The following AGO3 variants were observed in gnomAD, a reference collection of about 807,000 sequenced individuals.
AGO3 encodes the protein protein argonaute-3.
Under a neutral mutation model 105.5 loss-of-function variants are expected in AGO3, and 16 were observed. That is an observed-to-expected ratio of 0.15 (90% confidence interval 0.10 to 0.23). The LOEUF (loss-of-function observed/expected upper bound fraction) is 0.23. AGO3 is among the 10% of genes least tolerant of loss of function. The pLI is 1.00. For synonymous variants in AGO3, 340 were observed against 367.3 expected, an observed-to-expected ratio of 0.93 and a Z score of 0.85; for missense variants, 534 against 1,088.0, an observed-to-expected ratio of 0.49 and a Z score of 7.16.
intron 2 of AGO3, among the ~76,000 whole-genome samples, chr1:35,956,467 TA>T (rs924865215): frequency 5.3e-5 from 8 of 152,092 alleles, no homozygotes; most frequent in Non-Finnish European, 1.2e-4. Context: ...AGGTGATAGT[TA>T]AAAACTGGGG....
At chr1:35,983,522 C>G (rs756736082) in intron 5 of AGO3, 2 of 151,706 alleles carry the variant, frequency 1.3e-5, no homozygotes, top group African/African-American at 2.4e-5. Context: ...CCCAGGATAT[C>G]AAGGCTGTGG....
chr1:36,053,426 C>T (rs1334060468), intron 17 of AGO3, among the ~76,000 whole-genome samples: 2 of 151,916 alleles, frequency 1.3e-5, no homozygotes, highest in Admixed American at 6.6e-5. Context: ...ACTACAGGCA[C>T]ATGCCACTAC....
intron 15 of AGO3, 51 bp from the exon 16 acceptor site, chr1:36,040,256 A>G (rs1295011323): frequency 6.4e-7 from 1 of 1,568,648 alleles, no homozygotes; most frequent in Non-Finnish European, 8.7e-7. Flanking sequence ...TTTGAAGTAT[A>G]TAAAAACAAA....
At chr1:35,960,216 T>C (rs1470596661) in intron 2 of AGO3, among the ~76,000 whole-genome samples, 1 of 152,174 alleles carries the variant, frequency 6.6e-6, no homozygotes, top group Non-Finnish European at 1.5e-5. Flanking sequence ...GAGTGTTTTT[T>C]CTCTAGCTCC....
At chr1:35,959,855 TTG>T (rs924997003) in intron 2 of AGO3, among the ~76,000 whole-genome samples, 1 of 152,054 alleles carries the variant, frequency 6.6e-6, no homozygotes, top group African/African-American at 2.4e-5. Context: ...TAAAATATAT[TTG>T]TGAGATAATT....
intron 9 of AGO3, among the ~76,000 whole-genome samples, chr1:36,010,553 G>T (rs544650253): frequency 6.7e-6 from 1 of 149,822 alleles, no homozygotes; most frequent in East Asian, 2.0e-4. Flanking sequence ...GCAGTGAGCC[G>T]ATCACACCAC....
intron 12 of AGO3, among the ~76,000 whole-genome samples, chr1:36,032,023 A>G (rs573338747): frequency 9.9e-5 from 15 of 152,278 alleles, no homozygotes; most frequent in African/African-American, 2.6e-4. Flanking sequence ...ATAGGTGTAC[A>G]AATATCTCTT....
chr1:35,986,887 T>C (rs1404860308), intron 5 of AGO3, among the ~76,000 whole-genome samples: 1 of 151,356 alleles, frequency 6.6e-6, no homozygotes, highest in Admixed American at 6.6e-5. Flanking sequence ...TCCCAGCTAC[T>C]TAGGAGGCTG....
intron 1 of AGO3, among the ~76,000 whole-genome samples, chr1:35,937,510 G>A (rs1005890574): frequency 6.6e-5 from 10 of 152,056 alleles, no homozygotes; most frequent in Non-Finnish European, 1.3e-4. Context: ...AACCAACATG[G>A]TGAAACCCCA....
At chr1:35,997,981 G>T (rs1358965864) in intron 5 of AGO3, among the ~76,000 whole-genome samples, 1 of 152,124 alleles carries the variant, frequency 6.6e-6, no homozygotes, top group Non-Finnish European at 1.5e-5. Context: ...AAATTTGTTT[G>T]TCAATTATAA....
intron 5 of AGO3, among the ~76,000 whole-genome samples, chr1:36,003,545 T>C (rs1640193159): frequency 6.6e-6 from 1 of 151,304 alleles, no homozygotes; most frequent in African/African-American, 2.4e-5. Context: ...AAGTGCTATA[T>C]TGGTCGGACG....
At chr1:36,049,059 T>C (rs551445903) in intron 17 of AGO3, among the ~76,000 whole-genome samples, 60 of 152,308 alleles carry the variant, frequency 3.9e-4, no homozygotes, top group African/African-American at 1.3e-3. Context: ...GCAACATAGA[T>C]GGAGCTGAAG....
intron 17 of AGO3, among the ~76,000 whole-genome samples, chr1:36,053,860 T>C (rs1353598833): frequency 6.7e-6 from 1 of 150,200 alleles, no homozygotes; most frequent in African/African-American, 2.4e-5. Flanking sequence ...GCGATTCTCC[T>C]GCCTCAGCCT....
intron 2 of AGO3, among the ~76,000 whole-genome samples, chr1:35,957,970 G>A (rs1424321130): frequency 6.6e-6 from 1 of 151,922 alleles, no homozygotes; most frequent in African/African-American, 2.4e-5. Flanking sequence ...GGAGGCTGAG[G>A]TGAGAGGATT....
At chr1:35,957,031 G>A (rs1476058963) in intron 2 of AGO3, among the ~76,000 whole-genome samples, 1 of 152,094 alleles carries the variant, frequency 6.6e-6, no homozygotes, top group Non-Finnish European at 1.5e-5. Context: ...GACTGAAAAT[G>A]CGCCATTACA....
At chr1:35,995,785 C>G (rs1480861461) in intron 5 of AGO3, among the ~76,000 whole-genome samples, 1 of 152,100 alleles carries the variant, frequency 6.6e-6, no homozygotes, top group Non-Finnish European at 1.5e-5. Context: ...CCAAGTGATT[C>G]CCCCACCTCA....
chr1:35,972,949 A>T (rs1031382338), intron 4 of AGO3, among the ~76,000 whole-genome samples: 5 of 138,108 alleles, frequency 3.6e-5, no homozygotes, highest in Non-Finnish European at 7.6e-5. Flanking sequence ...CTCTCACCTT[A>T]GCCTCCCAAA....
At chr1:35,930,754 C>A (rs986195765), upstream of AGO3, 1 of 156,030 alleles carries the variant, frequency 6.4e-6, no homozygotes, top group Non-Finnish European at 1.4e-5. Flanking sequence ...GGGCTCGGCT[C>A]GGGGCCTCCG....
At chr1:35,936,349 G>A (rs1646145914) in intron 1 of AGO3, among the ~76,000 whole-genome samples, 1 of 152,020 alleles carries the variant, frequency 6.6e-6, no homozygotes, top group South Asian at 2.1e-4. Flanking sequence ...TTTGTGGTTT[G>A]GTTATAATAA....
Sources: allele counts gnomAD v4.1 joint callset (sites outside exome capture counted in the v4.1 genomes callset), GRCh38; gene constraint gnomAD v4.1.1; transcripts MANE v1.5; gene names NCBI Gene and HGNC (gene_info 2026-07-23, HGNC 2026-07-21).